The following ERGIC3 variants were observed in gnomAD, a reference collection of about 807,000 sequenced individuals.
ERGIC3 encodes the protein ERGIC and golgi 3.
Under a neutral mutation model 54.7 loss-of-function variants are expected in ERGIC3, and 33 were observed. The ratio of observed to expected loss-of-function variants is 0.60; its 90% CI spans 0.46 to 0.81. The LOEUF is 0.81. ERGIC3 is among the 30% of genes least tolerant of loss of function. ERGIC3 has a pLI of 0.00. For synonymous variants in ERGIC3, 186 were observed against 189.8 expected (o/e 0.98, Z 0.16); for missense variants, 399 against 488.4 (o/e 0.82, Z 1.73).
At chr20:35,543,262 C>CT in intron 4 of ERGIC3, 1 of 350,384 alleles carries the variant, frequency 2.9e-6, no homozygotes, top group South Asian at 2.4e-5. Context: ...ACCCAGGCTT[C>CT]TTTGAGTGTT....
chr20:35,554,766 G>T, intron 7 of ERGIC3: 1 of 597,082 alleles, frequency 1.7e-6, no homozygotes, highest in Non-Finnish European at 3.0e-6. Flanking sequence ...CGGAGATGCA[G>T]GCAGGGCCAT....
At chr20:35,555,812 CAA>C (rs60761936) in intron 8 of ERGIC3, among the ~76,000 whole-genome samples, 67 of 80,516 alleles carry the variant, frequency 8.3e-4, no homozygotes, top group Admixed American at 8.5e-4. Flanking sequence ...GACCTTGTCT[CAA>C]AAAAAAAAAA....
chr20:35,546,221 C>T (rs757021271), intron 4 of ERGIC3, among the ~76,000 whole-genome samples: 8 of 152,032 alleles, frequency 5.3e-5, no homozygotes, highest in South Asian at 2.1e-4. Flanking sequence ...GGATGAAAAT[C>T]GGATCAAAGA....
chr20:35,556,547 G>C, intron 10 of ERGIC3: 2 of 524,006 alleles, frequency 3.8e-6, no homozygotes, highest in South Asian at 4.2e-5. Context: ...TCTGTGGTCT[G>C]CCTGGGCTGG....
At chr20:35,543,034 C>T in intron 4 of ERGIC3, 93 bp downstream of exon 4, 1 of 1,574,686 alleles carries the variant, frequency 6.4e-7, no homozygotes. Flanking sequence ...CATAGTGATA[C>T]ATTAAACAAC....
At position 35,557,036 on chromosome 20, in the gene ERGIC3, G is replaced by A. The variant is rs373409776; in HGVS notation, c.943G>A (p.Asp315Asn). ...HEKVANGLLG[D>N]QGLPGVFVLY... ...GAAGGTTGCCAATGGGCTGTTGGGC[G>A]ACCAAGGCCTTCCCGGAGTCTTCGT... is the stretch of plus-strand genomic sequence containing the variant. Residue 315 changes from aspartate (D) to asparagine (N), a missense_variant, in exon 11 of 13, where the codon GAC becomes AAC. Physicochemically the swap from Asp to Asn is conservative, Grantham distance 23. Coordinates refer to ENST00000348547, the MANE Select transcript of ERGIC3 (RefSeq NM_015966.3). The A allele has an allele frequency of 9.3e-6, 15 of 1,614,108 alleles. No homozygotes were observed. The highest frequency in any genetic ancestry group is 5.3e-5 in the African/African-American group (4 of 74,940).
chr20:35,544,429 C>T (rs1601359785), intron 4 of ERGIC3: 1 of 302,946 alleles, frequency 3.3e-6, no homozygotes, highest in South Asian at 3.1e-5. Flanking sequence ...GGACAGGGGG[C>T]TCAGTCTTTC....
chr20:35,547,759 T>G (rs957703072), intron 5 of ERGIC3, among the ~76,000 whole-genome samples: 14 of 133,812 alleles, frequency 1.0e-4, no homozygotes, highest in African/African-American at 4.1e-4. Flanking sequence ...AGAGGTGGTC[T>G]CTGGAGTCCA....
chr20:35,553,959 G>A (rs892786208), intron 7 of ERGIC3, among the ~76,000 whole-genome samples: 2 of 152,204 alleles, frequency 1.3e-5, no homozygotes, highest in Middle Eastern at 6.3e-3. Flanking sequence ...AGGCCTGGGA[G>A]TGAGTTTCTA....
chr20:35,543,166 C>T (rs1207270776), intron 4 of ERGIC3: 3 of 502,176 alleles, frequency 6.0e-6, no homozygotes, highest in Non-Finnish European at 1.1e-5. Flanking sequence ...CTCAGAGGTC[C>T]TCAATACCTG....
At chr20:35,543,578 C>T (rs1163565291) in intron 4 of ERGIC3, 3 of 470,846 alleles carry the variant, frequency 6.4e-6, no homozygotes, top group African/African-American at 2.0e-5. Flanking sequence ...TTTCCCACCA[C>T]AGCAAACTGT....
At chr20:35,542,415 G>C in intron 2 of ERGIC3, 22 bp downstream of exon 2, 1 of 1,613,690 alleles carries the variant, frequency 6.2e-7, no homozygotes, top group Non-Finnish European at 8.5e-7. Context: ...GGCTTAGTGC[G>C]TGGGCGGGGC....
At chr20:35,549,127 A>G (rs62210659) in intron 7 of ERGIC3, 202 of 456,062 alleles carry the variant, frequency 4.4e-4, no homozygotes, top group Admixed American at 4.4e-4. Flanking sequence ...CCTGTTTTCT[A>G]CTTTATAAAA....
intron 7 of ERGIC3, chr20:35,554,463 G>T: frequency 6.4e-7 from 1 of 1,552,264 alleles, no homozygotes; most frequent in Admixed American, 1.7e-5. Context: ...CGGGGAGGTT[G>T]GATGGGGCTG....
chr20:35,544,428 G>T (rs2064636210), intron 4 of ERGIC3: 1 of 302,980 alleles, frequency 3.3e-6, no homozygotes, highest in East Asian at 1.3e-4. Flanking sequence ...AGGACAGGGG[G>T]CTCAGTCTTT....
In ERGIC3 at chr20:35,542,935, C is replaced by T. The variant is rs1422851772; in HGVS notation, c.361C>T (p.Arg121Trp). Residue 121 changes from arginine (R) to tryptophan (W), a missense_variant, in exon 4 of 13, where the codon CGG (arginine) becomes TGG (tryptophan). Physicochemically the swap from Arg to Trp is moderately radical, Grantham distance 101. Coordinates refer to ENST00000348547, the MANE Select transcript of ERGIC3 (RefSeq NM_015966.3). The part of the protein sequence containing the change: ...DGIPVSSEAE[R>W]HELGKVEVTV... ...CATCCCCGTGAGCTCAGAGGCTGAG[C>T]GGCATGGTAACCAGGGGAGGGGGCC... 6.8e-6 allele frequency: 11 copies of T among 1,613,832 alleles called. No homozygotes were observed. The highest frequency in any genetic ancestry group is 2.2e-5 in the East Asian group (1 of 44,874).
chr20:35,547,985 G>T (rs991513979), intron 5 of ERGIC3, among the ~76,000 whole-genome samples: 1 of 152,180 alleles, frequency 6.6e-6, no homozygotes, highest in African/African-American at 2.4e-5. Context: ...GACTGATTCA[G>T]CAGGTCTGGA....
Position 35,557,002 on chromosome 20 carries a change from C to G in ERGIC3, c.909C>G (p.Thr303=). 6.2e-7 allele frequency: 1 copy of G among 1,614,230 alleles called. No individual in the cohort carries two copies. Among genetic ancestry groups the G allele is most frequent in the Non-Finnish European group, 8.5e-7 (1 of 1,180,034 alleles). Residue 303 remains threonine (T), a synonymous_variant, in exon 11 of 13, where the codon ACC becomes ACG. Coordinates refer to ENST00000348547, the MANE Select transcript of ERGIC3 (RefSeq NM_015966.3). ...TGAGGACAAATCAGTTCTCTGTGAC[C>G]AGACATGAGAAGGTTGCCAATGGGC... ...EVLRTNQFSV[T]RHEKVANGLL...
At chr20:35,543,887 A>C in intron 4 of ERGIC3, 1 of 334,886 alleles carries the variant, frequency 3.0e-6, no homozygotes, top group Non-Finnish European at 6.0e-6. Context: ...AGTTTGATAC[A>C]ATAAAAATGT....
Sources: gnomAD v4.1 joint callset for allele counts (sites outside exome capture counted in the v4.1 genomes callset) on GRCh38, gnomAD v4.1.1 for gene constraint, MANE v1.5 for transcripts, NCBI Gene and HGNC (gene_info 2026-07-23, HGNC 2026-07-21) for gene names.